The following OBP2A variants were observed in gnomAD, a reference collection of about 807,000 sequenced individuals.
OBP2A encodes odorant binding protein 2A, also known as odorant-binding protein 2a.
OBP2A carries 15 observed loss-of-function variants against 21.9 expected under a neutral mutation model. The ratio of observed to expected loss-of-function variants is 0.69; its 90% confidence interval spans 0.46 to 1.06. The LOEUF (loss-of-function observed/expected upper bound fraction) is 1.06, where lower values mean the gene tolerates loss of function less well. OBP2A is among the 50% of genes least tolerant of loss of function. The probability of loss-of-function intolerance (pLI) is 0.00; values close to 1 mark genes in which losing one functional copy is unlikely to be tolerated. For missense variants in OBP2A, 192 were observed against 220.1 expected (o/e 0.87, Z 0.81); for synonymous variants, 86 against 91.8 (o/e 0.94, Z 0.36).
At chr9:135,549,164 T>C (rs1253583812) in intron 5 of OBP2A, 144 bp from the exon 6 acceptor site, 1 of 417,506 alleles carries the variant, frequency 2.4e-6, no homozygotes, top group African/African-American at 3.8e-5. Flanking sequence ...GGTCTGGGGC[T>C]CCGCGCTCTG....
In OBP2A at chr9:135,546,678, G is replaced by T; in HGVS notation, c.73-100G>T. On this transcript the variant is annotated intron_variant, in intron 1 of 6. Coordinates refer to ENST00000371776, the MANE Select transcript of OBP2A (RefSeq NM_014582.3). ...CAGCCTGCCTTTAGGGGTGGCAGCC[G>T]GGCACCATGGGTGTCTGGTTATAGC... The T allele has an allele frequency of 2.0e-6, 3 of 1,518,604 alleles. No homozygotes were observed. The South Asian group carries it at 3.9e-5, about 20-fold the overall frequency. 94.1% of individuals were successfully genotyped at this position (1,518,604 alleles called of 1,614,324 possible). A position where few individuals can be genotyped will look rare whatever the true frequency, so the allele number is the denominator to read the frequency against.
In OBP2A at chr9:135,546,827, C is replaced by T. The variant is rs760275832; in HGVS notation, c.122C>T (p.Pro41Leu). ...VKAMVVDKDF[P>L]EDRRPRKVSP... ...GCCATGGTGGTCGATAAGGACTTTC[C>T]GGAGGACAGGAGGCCCAGGAAGGTG... Residue 41 changes from proline (P) to leucine (L), a missense_variant, in exon 2 of 7, where the codon CCG (proline) becomes CTG (leucine). By Grantham distance (98) the Pro-to-Leu change is moderately conservative. Transcript: ENST00000371776. 13 of 1,613,166 alleles carry T rather than the reference C, an allele frequency of 8.1e-6. No homozygotes were observed. Among genetic ancestry groups the T allele is most frequent in the African/African-American group, 2.7e-5 (2 of 74,838 alleles).
intron 6 of OBP2A, 94 bp downstream of exon 6, chr9:135,549,425 C>T (rs1461805937): frequency 1.1e-5 from 13 of 1,207,824 alleles, no homozygotes; most frequent in Admixed American, 2.0e-5. Flanking sequence ...CCATCCCACA[C>T]AGCCAGGGAG....
In OBP2A at chr9:135,549,587, G is replaced by A. The variant is rs932444801; in HGVS notation, c.*2-250G>A. 1.3e-4 allele frequency: 76 copies of A among 595,718 alleles called. 1 individual carries two copies. Among genetic ancestry groups the A allele is most frequent in the South Asian group, 1.1e-3 (55 of 48,560 alleles). The allele number at this position is 595,718 out of a possible 1,614,324, so 36.9% of individuals were successfully genotyped here. A position where few individuals can be genotyped will look rare whatever the true frequency, so the allele number is the denominator to read the frequency against. ...CCTTTCCACAGCGAGGCCTCCCTCC[G>A]GCTCCCTCAGGTGTCAGCTCGGCCC... On this transcript the variant is annotated intron_variant, in intron 6 of 6. Coordinates refer to ENST00000371776, the MANE Select transcript of OBP2A (RefSeq NM_014582.3).
chr9:135,547,287 C>T lies in OBP2A; in HGVS notation c.277+39C>T, dbSNP rs1197377862. On this transcript the variant is annotated intron_variant, in intron 3 of 6. Coordinates refer to ENST00000371776, the MANE Select transcript of OBP2A (RefSeq NM_014582.3). ...CGACCCCCCACTCCCCATGCCCAAC[C>T]CCGGATGCACCAGCCCCACTGCAGG... is the stretch of plus-strand genomic sequence containing the variant. The T allele has an allele frequency of 1.9e-6, 3 of 1,599,010 alleles. No homozygotes were observed. In the Admixed American group the frequency reaches 5.0e-5, roughly 27 times the overall value.
chr9:135,548,603 TC>T, intron 4 of OBP2A, 104 bp from the exon 5 acceptor site: 1 of 1,538,528 alleles, frequency 6.5e-7, no homozygotes, highest in Non-Finnish European at 8.8e-7. Flanking sequence ...CTCGGGCCTC[TC>T]CCCCGTCCTG....
chr9:135,548,099 T>A, intron 4 of OBP2A, 118 bp downstream of exon 4: 1 of 704,620 alleles, frequency 1.4e-6, no homozygotes, highest in Non-Finnish European at 2.3e-6. Flanking sequence ...TGCGCCGGCC[T>A]TCGTGTGCTA....
rs768891663 is a variant in OBP2A, at chr9:135,548,843, CCT to C, written c.490+35_490+36del. ...GGCTGTGCCCAGTACCCCGTGTTCC[CCT>C]GTGTCTCTGTGTGATCTCCAGTGTC... On this transcript the variant is annotated intron_variant, in intron 5 of 6. Coordinates refer to ENST00000371776, the MANE Select transcript of OBP2A (RefSeq NM_014582.3). 30 of 1,608,420 alleles carry C rather than the reference CCT, an allele frequency of 1.9e-5. 1 individual carries two copies. In the South Asian group the frequency reaches 2.4e-4, roughly 13 times the overall value.
chr9:135,546,450 G>A (rs556387804), intron 1 of OBP2A, among the ~76,000 whole-genome samples, 198 bp downstream of exon 1: 1,043 of 149,104 alleles, frequency 7.0e-3, no homozygotes, highest in Middle Eastern at 0.028. Flanking sequence ...GAGCAGGCTC[G>A]GCTCAGGGGT....
Position 135,548,043 on chromosome 9 carries a change from G to A in OBP2A, c.388+62G>A, listed in dbSNP as rs941824744. 5 of 1,239,270 alleles carry A rather than the reference G, an allele frequency of 4.0e-6. No homozygotes were observed. The African/African-American group carries it at 7.5e-5, about 19-fold the overall frequency. 76.8% of individuals were successfully genotyped at this position (1,239,270 alleles called of 1,614,324 possible). A position where few individuals can be genotyped will look rare whatever the true frequency, so the allele number is the denominator to read the frequency against. On this transcript the variant is annotated intron_variant, in intron 4 of 6. Coordinates refer to ENST00000371776, the MANE Select transcript of OBP2A (RefSeq NM_014582.3). ...TGGTCTCTGCCTCCAGAAGCCAGTG[G>A]AACCACCATCATCACGCCCTGGCAC... is the stretch of plus-strand genomic sequence containing the variant.
chr9:135,546,432 C>G (rs1248507013), intron 1 of OBP2A, among the ~76,000 whole-genome samples, 180 bp downstream of exon 1: 3 of 151,956 alleles, frequency 2.0e-5, no homozygotes, highest in African/African-American at 7.3e-5. Context: ...CCCCGAGGCC[C>G]AGGGCCGGAG....
intron 6 of OBP2A, chr9:135,549,591 C>G (rs1332838213): frequency 1.7e-6 from 1 of 597,474 alleles, no homozygotes; most frequent in East Asian, 2.8e-5. Flanking sequence ...CCCTCCGGCT[C>G]CCTCAGGTGT....
chr9:135,548,925 C>T (rs1832685496), intron 5 of OBP2A, 116 bp downstream of exon 5: 4 of 1,151,948 alleles, frequency 3.5e-6, no homozygotes, highest in Non-Finnish European at 5.1e-6. Context: ...CCCCGAGTCT[C>T]CTCGCAGGGG....
chr9:135,547,404 C>T (rs1222717700), intron 3 of OBP2A, among the ~76,000 whole-genome samples, 156 bp downstream of exon 3: 1 of 152,180 alleles, frequency 6.6e-6, no homozygotes, highest in African/African-American at 2.4e-5. Flanking sequence ...GGCTGGTGGC[C>T]CTGACATCAG....
intron 2 of OBP2A, 115 bp from the exon 3 acceptor site, chr9:135,547,063 G>C: frequency 6.8e-7 from 1 of 1,469,234 alleles, no homozygotes; most frequent in Non-Finnish European, 9.5e-7. Flanking sequence ...AAGCTCGGTG[G>C]GGTGGGGGGG....
At position 135,547,918 on chromosome 9, in the gene OBP2A, G is replaced by A. The variant is rs192918541; in HGVS notation, c.325G>A (p.Asp109Asn). The A allele has an allele frequency of 7.8e-5, 126 of 1,613,380 alleles. No individual in the cohort carries two copies. The highest frequency in any genetic ancestry group is 7.3e-4 in the Admixed American group (44 of 59,956). The change falls in exon 4 of 7, where the codon GAC (aspartate) becomes AAC (asparagine). Residue 109 changes from aspartate (D) to asparagine (N), a missense_variant. Physicochemically the swap from Asp to Asn is conservative, Grantham distance 23 (BLOSUM62 1). Transcript: ENST00000371776. ...IYLQELPGTDDYVFYCKDQRR... is the reference protein window; with the variant it reads ...IYLQELPGTDNYVFYCKDQRR... ...CCTGCAGGAGCTGCCCGGGACGGAC[G>A]ACTACGTCTTTTACTGCAAAGACCA...
intron 3 of OBP2A, among the ~76,000 whole-genome samples, chr9:135,547,556 G>A (rs1831973919): frequency 6.6e-6 from 1 of 152,250 alleles, no homozygotes; most frequent in Non-Finnish European, 1.5e-5. Context: ...AGCCAAGGCT[G>A]AGGGTTTGGG....
intron 1 of OBP2A, 68 bp from the exon 2 acceptor site, chr9:135,546,710 C>T: frequency 6.5e-7 from 1 of 1,539,012 alleles, no homozygotes; most frequent in Non-Finnish European, 8.8e-7. Context: ...TAGCTGCAGG[C>T]CTGAGTGCCA....
chr9:135,546,999 G>A (rs1408285837), intron 2 of OBP2A, 88 bp downstream of exon 2: 6 of 1,592,972 alleles, frequency 3.8e-6, no homozygotes, highest in African/African-American at 1.3e-5. Flanking sequence ...TCCACATTTC[G>A]GGTGTTGGGA....
Sources: gnomAD v4.1 joint callset for allele counts (sites outside exome capture counted in the v4.1 genomes callset) on GRCh38, gnomAD v4.1.1 for gene constraint, MANE v1.5 for transcripts, NCBI Gene and HGNC (gene_info 2026-07-23, HGNC 2026-07-21) for gene names.